Variants in ZNF385B observed in about 807,000 individuals in gnomAD.
ZNF385B encodes the protein zinc finger protein 533.
Under a neutral mutation model 39.2 loss-of-function variants are expected in ZNF385B, and 23 were observed. The observed-to-expected ratio is 0.59, with a 90% CI of 0.42 to 0.83. The LOEUF (loss-of-function observed/expected upper bound fraction) is 0.83. Among genes scored for constraint, ZNF385B ranks in the 40% least tolerant of loss-of-function variants. ZNF385B has a pLI of 0.00. For synonymous variants in ZNF385B, 205 were observed against 222.6 expected (o/e 0.92, Z 0.70); for missense variants, 552 against 598.9 (o/e 0.92, Z 0.82).
intron 6 of ZNF385B, among the ~76,000 whole-genome samples, chr2:179,452,826 G>A (rs1275301373): frequency 2.0e-5 from 3 of 152,056 alleles, no homozygotes; most frequent in East Asian, 3.8e-4. Context: ...CAGAAGACAC[G>A]TTAAGCTTTG....
At chr2:179,761,761 C>CTTTTTTTTTTTTTTTT (rs34325728) in intron 3 of ZNF385B, among the ~76,000 whole-genome samples, 149 of 110,262 alleles carry the variant, frequency 1.4e-3, no homozygotes, top group Middle Eastern at 6.1e-3. Flanking sequence ...TTTTTCTTTT[C>CTTTTTTTTTTTTTTTT]TTTTTTTTTT....
At chr2:179,572,161 C>G (rs1337078531) in intron 3 of ZNF385B, among the ~76,000 whole-genome samples, 3 of 152,050 alleles carry the variant, frequency 2.0e-5, no homozygotes, top group African/African-American at 7.2e-5. Flanking sequence ...TGGCAGAGAA[C>G]TTTGAGGTGT....
At chr2:179,522,664 C>T (rs892314024) in intron 4 of ZNF385B, among the ~76,000 whole-genome samples, 9 of 149,160 alleles carry the variant, frequency 6.0e-5, no homozygotes, top group Non-Finnish European at 8.9e-5. Flanking sequence ...TGAACAAGTA[C>T]TTTCAAAAAT....
At chr2:179,466,875 C>T (rs1309766742) in intron 6 of ZNF385B, among the ~76,000 whole-genome samples, 3 of 123,748 alleles carry the variant, frequency 2.4e-5, no homozygotes, top group African/African-American at 3.2e-5. Context: ...GAGCTGAGAA[C>T]GTGCCACTGT....
At chr2:179,773,688 G>A (rs1348524688) in intron 1 of ZNF385B, among the ~76,000 whole-genome samples, 2 of 152,098 alleles carry the variant, frequency 1.3e-5, no homozygotes, top group Admixed American at 6.5e-5. Flanking sequence ...AGGGCAAGAC[G>A]CCAGGGAGAA....
At chr2:179,718,192 A>G (rs530474781) in intron 3 of ZNF385B, among the ~76,000 whole-genome samples, 1 of 152,078 alleles carries the variant, frequency 6.6e-6, no homozygotes, top group South Asian at 2.1e-4. Context: ...TACTATTGCA[A>G]AGGATATTGT....
chr2:179,713,447 A>G (rs552038726), intron 3 of ZNF385B, among the ~76,000 whole-genome samples: 53 of 152,060 alleles, frequency 3.5e-4, no homozygotes, highest in Non-Finnish European at 7.1e-4. Context: ...CTCCTATTTA[A>G]TCTTCAATCT....
chr2:179,562,855 A>G (rs576973056), intron 3 of ZNF385B, among the ~76,000 whole-genome samples: 3 of 152,322 alleles, frequency 2.0e-5, no homozygotes, highest in South Asian at 2.1e-4. Context: ...AGTATCACTT[A>G]TATGTCAAGG....
chr2:179,746,283 C>T (rs1702377224), intron 3 of ZNF385B, among the ~76,000 whole-genome samples: 1 of 152,120 alleles, frequency 6.6e-6, no homozygotes, highest in South Asian at 2.1e-4. Context: ...GGGAAGAAAT[C>T]AGTAGTCTAT....
intron 3 of ZNF385B, among the ~76,000 whole-genome samples, chr2:179,767,944 T>A (rs949842161): frequency 1.3e-4 from 19 of 148,266 alleles, no homozygotes; most frequent in African/African-American, 4.7e-4. Flanking sequence ...ATATTATATA[T>A]TTTATATATA....
chr2:179,568,444 A>G lies in ZNF385B; in HGVS notation c.299-23475T>C, dbSNP rs554856407. Among the ~76,000 whole-genome samples the G allele has an allele frequency of 1.2e-4, 19 of 152,338 alleles. No individual in the cohort carries two copies. The South Asian group carries it at 1.4e-3, about 12-fold the overall frequency. On this transcript the variant is annotated intron_variant, in intron 3 of 9. Transcript: ENST00000410066. ...GGGCCAGGCCTATGGTAGGTACTCAATACATATTTTGAATGAATGAATGAC... is the reference window on the plus strand; with the variant it reads ...GGGCCAGGCCTATGGTAGGTACTCAGTACATATTTTGAATGAATGAATGAC...
At chr2:179,794,925 G>A (rs1705564112) in intron 1 of ZNF385B, among the ~76,000 whole-genome samples, 1 of 152,104 alleles carries the variant, frequency 6.6e-6, no homozygotes, top group Non-Finnish European at 1.5e-5. Flanking sequence ...AGGATCTGAA[G>A]CCATGAGAAT....
At chr2:179,450,614 G>A (rs2050022023) in intron 6 of ZNF385B, among the ~76,000 whole-genome samples, 1 of 152,028 alleles carries the variant, frequency 6.6e-6, no homozygotes, top group Non-Finnish European at 1.5e-5. Context: ...GTGCTGGAGA[G>A]GATGTGGAGA....
At chr2:179,533,560 G>T (rs1338041041) in intron 4 of ZNF385B, among the ~76,000 whole-genome samples, 2 of 152,124 alleles carry the variant, frequency 1.3e-5, no homozygotes, top group African/African-American at 4.8e-5. Flanking sequence ...ACAGGTTAAG[G>T]GGGTCCTTTT....
In ZNF385B at chr2:179,835,222, A is replaced by C. The variant is rs564912491; in HGVS notation, c.-155+25879T>G. 4.6e-5 allele frequency among the ~76,000 whole-genome samples: 7 copies of C among 152,376 alleles called. No individual in the cohort carries two copies. In the East Asian group the frequency reaches 1.2e-3, roughly 25 times the overall value. ...CTAGCTTTGAAACGCTTTAGCAAAA[A>C]CAAAACCAAATGTGTATACAGAAAG... On this transcript the variant is annotated intron_variant, in intron 1 of 9. Coordinates refer to ENST00000410066, the MANE Select transcript of ZNF385B (RefSeq NM_152520.6).
intron 3 of ZNF385B, among the ~76,000 whole-genome samples, chr2:179,648,558 C>T (rs10168158): frequency 0.12 from 18,650 of 152,040 alleles, 1,727 homozygotes; most frequent in African/African-American, 0.25. Flanking sequence ...GCAACACCCC[C>T]GAAAACACCC....
At chr2:179,724,339 A>G (rs1246355862) in intron 3 of ZNF385B, among the ~76,000 whole-genome samples, 1 of 152,112 alleles carries the variant, frequency 6.6e-6, no homozygotes, top group African/African-American at 2.4e-5. Context: ...TTAATTAACA[A>G]AGGCATCAGA....
At chr2:179,727,635 T>C (rs2106419207) in intron 3 of ZNF385B, among the ~76,000 whole-genome samples, 1 of 152,158 alleles carries the variant, frequency 6.6e-6, no homozygotes, top group South Asian at 2.1e-4. Flanking sequence ...TAGAATTATA[T>C]ACAACATAAG....
Position 179,642,615 on chromosome 2 carries a change from T to A in ZNF385B, c.299-97646A>T, listed in dbSNP as rs562123637. Among the ~76,000 whole-genome samples the A allele has an allele frequency of 6.6e-5, 10 of 152,330 alleles. No individual in the cohort carries two copies. The South Asian group carries it at 1.4e-3, about 22-fold the overall frequency. On this transcript the variant is annotated intron_variant, in intron 3 of 9. Coordinates refer to ENST00000410066, the MANE Select transcript of ZNF385B (RefSeq NM_152520.6). Reference sequence around the variant, plus strand: ...TTCTTCAAAGAGAAAACCATTTTCATAATAACACTGTTTTTATTTGTCTTT... The same window carrying A: ...TTCTTCAAAGAGAAAACCATTTTCAAAATAACACTGTTTTTATTTGTCTTT...
Sources: gnomAD v4.1 joint callset for allele counts (sites outside exome capture counted in the v4.1 genomes callset) on GRCh38, gnomAD v4.1.1 for gene constraint, MANE v1.5 for transcripts, NCBI Gene and HGNC (gene_info 2026-07-23, HGNC 2026-07-21) for gene names.